FANCL: variants seen among roughly 807,000 people sequenced by gnomAD.
The protein encoded by FANCL is E3 ubiquitin-protein ligase FANCL.
Under a neutral mutation model 59.4 loss-of-function variants are expected in FANCL, and 69 were observed. The observed-to-expected ratio is 1.16, with a 90% CI of 0.96 to 1.42. The LOEUF (loss-of-function observed/expected upper bound fraction) is 1.42, where lower values mean the gene tolerates loss of function less well. FANCL is among the 40% of genes most tolerant of loss of function. The pLI is 0.00. For synonymous variants in FANCL, 180 were observed against 147.1 expected (o/e 1.22, Z -1.62); for missense variants, 519 against 447.2 (o/e 1.16, Z -1.45).
intron 8 of FANCL, 44 bp from the exon 9 acceptor site, chr2:58,163,561 A>C (rs943724721): frequency 8.4e-7 from 1 of 1,192,562 alleles, no homozygotes; most frequent in African/African-American, 1.5e-5. Context: ...AGAACAGCTC[A>C]TCAAACAACC....
rs542897143 is a variant in FANCL at position 58,193,875 on chromosome 2, A to C, written c.540+4719T>G. 2.0e-5 allele frequency among the ~76,000 whole-genome samples: 3 copies of C among 152,310 alleles called. No individual in the cohort carries two copies. The East Asian group carries it at 5.8e-4, about 29-fold the overall frequency. ...TATACAGTACATACGAACTGAGGCA[A>C]AGGGCAGTTATGTGACTTGTCTGAA... On this transcript the variant is annotated intron_variant, in intron 7 of 13. Transcript: ENST00000233741.
At chr2:58,172,280 A>T (rs184834219) in intron 7 of FANCL, among the ~76,000 whole-genome samples, 91 of 152,326 alleles carry the variant, frequency 6.0e-4, no homozygotes, top group African/African-American at 2.0e-3. Flanking sequence ...GAGATCTGAG[A>T]ACAGGCAGAC....
chr2:58,221,231 C>A (rs1236097684), intron 5 of FANCL, among the ~76,000 whole-genome samples: 1 of 151,568 alleles, frequency 6.6e-6, no homozygotes, highest in Non-Finnish European at 1.5e-5. Context: ...CATATTTTTA[C>A]TGGTGCTTTA....
At chr2:58,209,244 T>A (rs996555782) in intron 5 of FANCL, among the ~76,000 whole-genome samples, 1 of 152,222 alleles carries the variant, frequency 6.6e-6, no homozygotes, top group East Asian at 1.9e-4. Flanking sequence ...CCATGTTCCA[T>A]GTATATATGA....
At chr2:58,238,151 A>C (rs888691957) in intron 1 of FANCL, among the ~76,000 whole-genome samples, 9 of 152,138 alleles carry the variant, frequency 5.9e-5, no homozygotes, top group Non-Finnish European at 1.3e-4. Flanking sequence ...TTAAAACATT[A>C]TGGGATTTTT....
intron 1 of FANCL, among the ~76,000 whole-genome samples, chr2:58,235,875 C>T (rs1435328230): frequency 2.0e-5 from 3 of 151,610 alleles, no homozygotes; most frequent in Non-Finnish European, 4.4e-5. Flanking sequence ...ATAGTATCAA[C>T]AGCAGATTCC....
At chr2:58,229,442 T>C (rs1693359504) in intron 3 of FANCL, among the ~76,000 whole-genome samples, 1 of 152,202 alleles carries the variant, frequency 6.6e-6, no homozygotes, top group Non-Finnish European at 1.5e-5. Context: ...ATCTTTTCTG[T>C]TGCTAATCTA....
At chr2:58,199,028 CAAA>C (rs772182737) in intron 6 of FANCL, among the ~76,000 whole-genome samples, 4 of 61,176 alleles carry the variant, frequency 6.5e-5, no homozygotes, top group Non-Finnish European at 1.1e-4. Context: ...ATCTCCATCT[CAAA>C]AAAAAAAAAA....
rs560428305 is a variant in FANCL at position 58,224,231 on chromosome 2, T to C, written c.274-2189A>G. ...TAATGGGACATGATATCTATACTTT[T>C]ACTCTGGTTCCCTTAGTCTCTCCTT... is the stretch of plus-strand genomic sequence containing the variant. On this transcript the variant is annotated intron_variant, in intron 4 of 13. Transcript: ENST00000233741. Among the ~76,000 whole-genome samples, 11 of 151,968 alleles carry C rather than the reference T, an allele frequency of 7.2e-5. 1 individual carries two copies. In the South Asian group the frequency reaches 2.1e-3, roughly 29 times the overall value.
intron 7 of FANCL, among the ~76,000 whole-genome samples, 199 bp downstream of exon 7, chr2:58,198,395 A>T (rs1381942002): frequency 6.6e-6 from 1 of 152,190 alleles, no homozygotes; most frequent in African/African-American, 2.4e-5. Flanking sequence ...TAGGTATTAT[A>T]ATCTAGAGAT....
At chr2:58,214,217 G>T (rs1691476468) in intron 5 of FANCL, among the ~76,000 whole-genome samples, 1 of 152,152 alleles carries the variant, frequency 6.6e-6, no homozygotes, top group Non-Finnish European at 1.5e-5. Context: ...AGTGACATAT[G>T]ATAGAGATAT....
At chr2:58,209,578 G>A (rs1433580727) in intron 5 of FANCL, among the ~76,000 whole-genome samples, 1 of 152,114 alleles carries the variant, frequency 6.6e-6, no homozygotes, top group Non-Finnish European at 1.5e-5. Context: ...ATAAAACTCA[G>A]AGGCAGTCTG....
chr2:58,212,890 T>G (rs772261201), intron 5 of FANCL, among the ~76,000 whole-genome samples: 1 of 152,208 alleles, frequency 6.6e-6, no homozygotes, highest in Admixed American at 6.5e-5. Flanking sequence ...CAACTACTAA[T>G]TCTCAATATT....
chr2:58,163,002 T>G (rs891982888), intron 10 of FANCL, 27 bp downstream of exon 10: 28 of 1,612,494 alleles, frequency 1.7e-5, no homozygotes, highest in Non-Finnish European at 2.3e-5. Flanking sequence ...CACCAAAAAG[T>G]AAAAATTATA....
intron 1 of FANCL, among the ~76,000 whole-genome samples, chr2:58,234,064 A>G (rs1229872220): frequency 6.6e-6 from 1 of 152,116 alleles, no homozygotes; most frequent in Non-Finnish European, 1.5e-5. Context: ...GTAATTTTAT[A>G]AACTATTGCA....
chr2:58,192,494 G>A (rs368329002), intron 7 of FANCL, among the ~76,000 whole-genome samples: 2 of 151,856 alleles, frequency 1.3e-5, no homozygotes, highest in East Asian at 3.9e-4. Flanking sequence ...AAACGAGGGT[G>A]ACAAAGGAAA....
chr2:58,180,158 G>C (rs1342987058), intron 7 of FANCL, among the ~76,000 whole-genome samples: 1 of 152,204 alleles, frequency 6.6e-6, no homozygotes, highest in Non-Finnish European at 1.5e-5. Flanking sequence ...GTGGAAGACA[G>C]TGTGGCGATT....
chr2:58,198,239 C>T (rs1430274385), intron 7 of FANCL, among the ~76,000 whole-genome samples: 1 of 152,080 alleles, frequency 6.6e-6, no homozygotes, highest in African/African-American at 2.4e-5. Flanking sequence ...ATAATGACTA[C>T]CTAAGTAAAA....
At chr2:58,176,390 C>T (rs1234085048) in intron 7 of FANCL, among the ~76,000 whole-genome samples, 1 of 151,476 alleles carries the variant, frequency 6.6e-6, no homozygotes, top group South Asian at 2.1e-4. Flanking sequence ...TACTACAAGG[C>T]TACAGTAACC....
Sources: allele counts gnomAD v4.1 joint callset (sites outside exome capture counted in the v4.1 genomes callset), GRCh38; gene constraint gnomAD v4.1.1; transcripts MANE v1.5; gene names NCBI Gene and HGNC (gene_info 2026-07-23, HGNC 2026-07-21).